Variants in MMD2 observed in about 807,000 individuals in gnomAD.
MMD2 encodes monocyte to macrophage differentiation associated 2.
A neutral mutation model predicts 33.5 loss-of-function variants in MMD2; 30 were observed. The ratio of observed to expected loss-of-function variants is 0.90; its 90% CI spans 0.67 to 1.22. The LOEUF is 1.22. Among genes scored for constraint, MMD2 ranks in the 50% most tolerant of loss-of-function variants. MMD2 has a pLI of 0.00. For missense variants in MMD2, 364 were observed against 325.4 expected (o/e 1.12, Z -0.91); for synonymous variants, 129 against 123.0 (o/e 1.05, Z -0.32).
At chr7:4,918,520 G>A (rs1785197943) in intron 3 of MMD2, among the ~76,000 whole-genome samples, 2 of 136,356 alleles carry the variant, frequency 1.5e-5, no homozygotes, top group Non-Finnish European at 3.1e-5. Context: ...TTCTCACTCC[G>A]TTGCCTTAGC....
intron 1 of MMD2, among the ~76,000 whole-genome samples, chr7:4,953,480 T>C (rs967254873): frequency 2.7e-4 from 41 of 150,402 alleles, no homozygotes; most frequent in Non-Finnish European, 5.0e-4. Context: ...AGTCTCTTTT[T>C]TTTTTTTTAA....
rs115249115 is a variant in MMD2, at chr7:4,917,315, G to A, written c.291-1236C>T. ...CAGCAACCTGACACGGGGCTGTGGG[G>A]AGGATTAAATTAGCTAATACCCAGC... On this transcript the variant is annotated intron_variant, in intron 3 of 6. Coordinates refer to ENST00000401401, the MANE Select transcript of MMD2 (RefSeq NM_198403.4). Among the ~76,000 whole-genome samples, 196 of 152,212 alleles carry A rather than the reference G, an allele frequency of 1.3e-3. 1 individual carries two copies. Among genetic ancestry groups the A allele is most frequent in the African/African-American group, 4.6e-3 (192 of 41,538 alleles).
chr7:4,915,878 G>T, intron 4 of MMD2, 127 bp downstream of exon 4: 1 of 795,850 alleles, frequency 1.3e-6, no homozygotes, highest in Non-Finnish European at 2.0e-6. Context: ...AAAAAAGGGT[G>T]GCGGGAAGCT....
chr7:4,947,006 A>G (rs914928503), intron 1 of MMD2, among the ~76,000 whole-genome samples: 1 of 152,122 alleles, frequency 6.6e-6, no homozygotes, highest in African/African-American at 2.4e-5. Context: ...TCAGGAGTTC[A>G]AGACCAACGT....
chr7:4,935,696 AAC>A (rs545930262), intron 1 of MMD2, among the ~76,000 whole-genome samples: 6,151 of 144,226 alleles, frequency 0.043, 209 homozygotes, highest in African/African-American at 0.1. Context: ...AAAAAAAAAA[AAC>A]CAAAAAAATT....
At chr7:4,936,235 G>A (rs969641794) in intron 1 of MMD2, among the ~76,000 whole-genome samples, 2 of 148,654 alleles carry the variant, frequency 1.3e-5, no homozygotes, top group Admixed American at 6.7e-5. Flanking sequence ...CACATACAAT[G>A]CAAAGATGTT....
chr7:4,937,052 G>T (rs1288469306), intron 1 of MMD2, among the ~76,000 whole-genome samples: 1 of 150,890 alleles, frequency 6.6e-6, no homozygotes, highest in Non-Finnish European at 1.5e-5. Flanking sequence ...GTCTTTAAAG[G>T]GTATCTTAGT....
At chr7:4,921,640 A>G (rs1043418645) in intron 2 of MMD2, among the ~76,000 whole-genome samples, 1 of 149,282 alleles carries the variant, frequency 6.7e-6, no homozygotes, top group Non-Finnish European at 1.5e-5. Context: ...AAAAAAAAAA[A>G]GTAGGCAGGT....
chr7:4,895,596 G>C, the MMD2 span, among the ~76,000 whole-genome samples: 1 of 151,996 alleles, frequency 6.6e-6, no homozygotes, highest in African/African-American at 2.4e-5. Flanking sequence ...GAGTGCAGTG[G>C]CGAGATTTCA....
In MMD2 at chr7:4,946,075, G is replaced by T. The variant is rs1006607148; in HGVS notation, c.47+12896C>A. ...TGGGGCAAAATGCACACACTCACAC[G>T]CACGCACACGCACGCACACACACGC... On this transcript the variant is annotated intron_variant, in intron 1 of 6. Coordinates refer to ENST00000401401, the MANE Select transcript of MMD2 (RefSeq NM_198403.4). This position sits in a 1 kb window ranked among gnomAD's most constrained non-coding sequence, Gnocchi z 5.0. 6.6e-6 allele frequency among the ~76,000 whole-genome samples: 1 copy of T among 151,288 alleles called. No individual in the cohort carries two copies. The highest frequency in any genetic ancestry group is 6.6e-5 in the Admixed American group (1 of 15,138).
chr7:4,916,028 G>A lies in MMD2; in HGVS notation c.342C>T (p.Phe114=), dbSNP rs1785133158. 1.9e-6 allele frequency: 3 copies of A among 1,613,926 alleles called. No homozygotes were observed. Among genetic ancestry groups the A allele is most frequent in the Non-Finnish European group, 2.5e-6 (3 of 1,179,870 alleles). Residue 114 remains phenylalanine (F), a synonymous_variant, in exon 4 of 7, where the codon TTC becomes TTT. Transcript: ENST00000401401. ...ACCAGGGTGCGTAGGAAGCCGCTAT[G>A]AAGAAATAGATGACCATCCGGTCGA... ...HMFDRMVIYF[F]IAASYAPWLN...
intron 2 of MMD2, among the ~76,000 whole-genome samples, chr7:4,922,801 C>CTCAT (rs1785321486): frequency 6.6e-6 from 1 of 152,142 alleles, no homozygotes; most frequent in Non-Finnish European, 1.5e-5. Flanking sequence ...TCCTCTCTCA[C>CTCAT]TCATTCATTC....
chr7:4,898,484 T>C, the MMD2 span, among the ~76,000 whole-genome samples: 4 of 152,088 alleles, frequency 2.6e-5, no homozygotes, highest in Non-Finnish European at 5.9e-5. Flanking sequence ...TGACATAAGA[T>C]GGGATGGGAT....
downstream of MMD2, among the ~76,000 whole-genome samples, chr7:4,905,577 G>A (rs373371399): frequency 3.1e-4 from 47 of 152,230 alleles, no homozygotes; most frequent in South Asian, 8.1e-3. The surrounding 1 kb of genome is among the most constrained non-coding windows in gnomAD (Gnocchi z 5.0). Flanking sequence ...CGTCAGCATC[G>A]TGATCGCAGG....
chr7:4,915,550 G>A (rs1451307906), intron 4 of MMD2, among the ~76,000 whole-genome samples: 1 of 151,874 alleles, frequency 6.6e-6, no homozygotes. Context: ...GAGCAGCCTG[G>A]CCAACATGGT....
chr7:4,945,185 T>C lies in MMD2; in HGVS notation c.47+13786A>G, dbSNP rs73322988. On this transcript the variant is annotated intron_variant, in intron 1 of 6. Coordinates refer to ENST00000401401, the MANE Select transcript of MMD2 (RefSeq NM_198403.4). ...TTCTTCCTTCTTCCTCCTCTTCCTC[T>C]TTCTTCTTCTTCTTCTTCTTCTTCT... Among the ~76,000 whole-genome samples, 558 of 93,526 alleles carry C rather than the reference T, an allele frequency of 6.0e-3. 8 individuals carry two copies. The highest frequency in any genetic ancestry group is 0.016 in the African/African-American group (406 of 25,196). The allele number at this position is 93,526 out of a possible 152,430, so 61.4% of individuals were successfully genotyped here.
At chr7:4,895,655 G>A in the MMD2 span, among the ~76,000 whole-genome samples, 6 of 152,112 alleles carry the variant, frequency 3.9e-5, no homozygotes, top group Non-Finnish European at 5.9e-5. Context: ...TCCTGACTCA[G>A]CCTCCGGAGT....
At chr7:4,919,448 T>C (rs1356106175) in intron 3 of MMD2, among the ~76,000 whole-genome samples, 1 of 151,006 alleles carries the variant, frequency 6.6e-6, no homozygotes, top group Non-Finnish European at 1.5e-5. Context: ...CACACACCTG[T>C]GGTCTCAGTT....
chr7:4,900,646 C>G, the MMD2 span, among the ~76,000 whole-genome samples: 1 of 152,074 alleles, frequency 6.6e-6, no homozygotes, highest in Non-Finnish European at 1.5e-5. Context: ...AGCAGTGGAG[C>G]AACATGAGAC....
Sources: gnomAD v4.1 joint callset for allele counts (sites outside exome capture counted in the v4.1 genomes callset) on GRCh38, gnomAD v4.1.1 for gene constraint, Gnocchi (gnomAD v3.1) non-coding constraint, MANE v1.5 for transcripts, NCBI Gene and HGNC (gene_info 2026-07-23, HGNC 2026-07-21) for gene names.